SMAD1: variants seen among roughly 807,000 people sequenced by gnomAD.
SMAD1 encodes SMAD family member 1, also known as MAD, mothers against decapentaplegic homolog 1.
In SMAD1, 6 loss-of-function variants were observed where a neutral mutation model predicts 41.6. The ratio of observed to expected loss-of-function variants is 0.14; its 90% CI spans 0.08 to 0.28. The LOEUF is 0.28. Among genes scored for constraint, SMAD1 ranks in the 10% least tolerant of loss-of-function variants. The pLI, the probability that SMAD1 is intolerant of heterozygous loss-of-function variation, is 1.00. For synonymous variants in SMAD1, 206 were observed against 203.2 expected (o/e 1.01, Z -0.12); for missense variants, 379 against 582.6 (o/e 0.65, Z 3.60).
At chr4:145,523,832 G>T (rs1730887904) in intron 2 of SMAD1, among the ~76,000 whole-genome samples, 1 of 152,190 alleles carries the variant, frequency 6.6e-6, no homozygotes, top group Non-Finnish European at 1.5e-5. Flanking sequence ...GGCTTTTGCA[G>T]TTGCTCTTCC....
chr4:145,554,132 CT>C lies in SMAD1; in HGVS notation c.1254+94del. On this transcript the variant is annotated intron_variant, in intron 6 of 6. Coordinates refer to ENST00000302085, the MANE Select transcript of SMAD1 (RefSeq NM_005900.3). ...TTGGCGATATATGAATCTATATCCTCTTGATAACATATTATCATATTAGCTG... is the reference window on the plus strand; with the variant it reads ...TTGGCGATATATGAATCTATATCCTCTGATAACATATTATCATATTAGCTG... 4 of 1,139,510 alleles carry C rather than the reference CT, an allele frequency of 3.5e-6. No homozygotes were observed. In the South Asian group the frequency reaches 4.6e-5, roughly 13 times the overall value. 70.6% of individuals were successfully genotyped at this position (1,139,510 alleles called of 1,614,324 possible).
At chr4:145,505,192 A>G (rs1025767199) in intron 1 of SMAD1, among the ~76,000 whole-genome samples, 5 of 152,216 alleles carry the variant, frequency 3.3e-5, no homozygotes, top group Admixed American at 1.3e-4. Context: ...ATTACATTAC[A>G]AGTCCCCTGG....
Position 145,514,736 on chromosome 4 carries a change from G to T in SMAD1, c.123G>T (p.Leu41=). 3 of 1,614,074 alleles carry T rather than the reference G, an allele frequency of 1.9e-6. No individual in the cohort carries two copies. Among genetic ancestry groups the T allele is most frequent in the Non-Finnish European group, 2.5e-6 (3 of 1,180,004 alleles). The change falls in exon 2 of 7, where the codon CTG becomes CTT. Residue 41 remains leucine, a synonymous_variant. Coordinates refer to ENST00000302085, the MANE Select transcript of SMAD1 (RefSeq NM_005900.3). The surrounding 1 kb of genome is among the most constrained non-coding windows in gnomAD (Gnocchi z 4.7). ...EKAVDALVKK[L]KKKKGAMEEL... is the part of the protein sequence containing the mutation. ...CTGTTGATGCTTTGGTGAAAAAACT[G>T]AAGAAAAAGAAAGGTGCCATGGAGG... is the stretch of plus-strand genomic sequence containing the variant.
At chr4:145,498,686 T>C (rs1729237613) in intron 1 of SMAD1, among the ~76,000 whole-genome samples, 1 of 152,182 alleles carries the variant, frequency 6.6e-6, no homozygotes, top group Admixed American at 6.5e-5. Flanking sequence ...TTGTTTCTAT[T>C]TGTGTTTTTA....
At chr4:145,519,435 G>A (rs1217518634) in intron 2 of SMAD1, among the ~76,000 whole-genome samples, 1 of 150,818 alleles carries the variant, frequency 6.6e-6, no homozygotes, top group Non-Finnish European at 1.5e-5. Flanking sequence ...TCTTTTTGGT[G>A]AGTACATTTA....
chr4:145,515,862 A>C (rs1303010158), intron 2 of SMAD1, among the ~76,000 whole-genome samples: 1 of 152,144 alleles, frequency 6.6e-6, no homozygotes, highest in East Asian at 1.9e-4. Flanking sequence ...CCTCCCAGAA[A>C]TCCTGATCCT....
At chr4:145,535,046 G>A (rs1435673739) in intron 2 of SMAD1, among the ~76,000 whole-genome samples, 1 of 151,480 alleles carries the variant, frequency 6.6e-6, no homozygotes, top group Non-Finnish European at 1.5e-5. Flanking sequence ...TAGGCAAAAG[G>A]CATAAGCCAA....
At chr4:145,504,001 G>A (rs527504966) in intron 1 of SMAD1, 1 of 152,266 alleles carries the variant, frequency 6.6e-6, no homozygotes, top group Admixed American at 6.5e-5. Flanking sequence ...TCTTGTTTCT[G>A]TTCATCTTTC....
At chr4:145,556,974 G>A (rs1732872775) in intron 6 of SMAD1, among the ~76,000 whole-genome samples, 2 of 152,138 alleles carry the variant, frequency 1.3e-5, no homozygotes, top group Non-Finnish European at 2.9e-5. Context: ...CACCGCGCCT[G>A]GCCCCAGATG....
At chr4:145,511,382 C>T (rs1426697266) in intron 1 of SMAD1, among the ~76,000 whole-genome samples, 1 of 152,174 alleles carries the variant, frequency 6.6e-6, no homozygotes, top group Non-Finnish European at 1.5e-5. Context: ...AAGCAGTCCT[C>T]CTGCCTCTGC....
intron 1 of SMAD1, chr4:145,498,119 A>G (rs896799871): frequency 2.0e-5 from 3 of 152,260 alleles, no homozygotes; most frequent in Admixed American, 6.5e-5. Flanking sequence ...TTTGAATAAC[A>G]TAGAACATTT....
rs557604275 is a variant in SMAD1, at chr4:145,540,027, C to G, written c.624C>G (p.Thr208=). The part of the protein sequence containing the change: ...SSSSTYPHSP[T]SSDPGSPFQM... ...GCAGCACCTACCCTCACTCTCCCAC[C>G]AGCTCAGACCCAGGAAGCCCTTTCC... Residue 208 remains threonine, a synonymous_variant, in exon 3 of 7, where the codon ACC becomes ACG. Coordinates refer to ENST00000302085, the MANE Select transcript of SMAD1 (RefSeq NM_005900.3). 1 of 1,614,122 alleles carries G rather than the reference C, an allele frequency of 6.2e-7. No individual in the cohort carries two copies. The highest frequency in any genetic ancestry group is 1.3e-5 in the African/African-American group (1 of 75,048).
chr4:145,501,760 A>G (rs560426855), intron 1 of SMAD1, among the ~76,000 whole-genome samples: 1 of 149,916 alleles, frequency 6.7e-6, no homozygotes, highest in South Asian at 2.1e-4. Flanking sequence ...CTTCAGTATT[A>G]GTCAGTACTG....
rs1415173599 is a variant in SMAD1 at position 145,546,792 on chromosome 4, G to A, written c.865G>A (p.Ala289Thr). 6.2e-7 allele frequency: 1 copy of A among 1,614,028 alleles called. No individual in the cohort carries two copies. The highest frequency in any genetic ancestry group is 8.5e-7 in the Non-Finnish European group (1 of 1,179,940). ...CAATCGTGTGGGTGAAGCGTTCCAT[G>A]CCTCCTCCACAAGTGTGTTGGTGGA... Reference protein sequence around the residue: ...LNNRVGEAFHASSTSVLVDGF... With the variant: ...LNNRVGEAFHTSSTSVLVDGF... The change falls in exon 5 of 7, where the codon GCC becomes ACC. Residue 289 changes from alanine (A) to threonine (T), a missense_variant. Around this residue, in one of 3 missense-constraint regions of SMAD1, gnomAD observed 208 missense variants for 210.5 expected, o/e 0.99. Transcript: ENST00000302085.
At chr4:145,496,770 A>T (rs995258852) in intron 1 of SMAD1, among the ~76,000 whole-genome samples, 10 of 152,098 alleles carry the variant, frequency 6.6e-5, no homozygotes, top group African/African-American at 2.4e-4. Context: ...TTGAAATTTG[A>T]TGGAGACCAT....
chr4:145,520,537 G>T (rs1002622853), intron 2 of SMAD1, among the ~76,000 whole-genome samples: 1 of 152,238 alleles, frequency 6.6e-6, no homozygotes, highest in Non-Finnish European at 1.5e-5. Context: ...ATTCAGAAGA[G>T]ATGCTAATGA....
intron 5 of SMAD1, among the ~76,000 whole-genome samples, chr4:145,551,474 C>A (rs1275938235): frequency 6.6e-6 from 1 of 152,084 alleles, no homozygotes; most frequent in African/African-American, 2.4e-5. Context: ...TTGCAAACTT[C>A]TGTAGGTTAA....
chr4:145,480,873 G>A (rs908959904), upstream of SMAD1, among the ~76,000 whole-genome samples: 8 of 150,184 alleles, frequency 5.3e-5, no homozygotes, highest in Non-Finnish European at 1.2e-4. Flanking sequence ...AGGGAAAAAG[G>A]AATTTAATTA....
At chr4:145,516,119 A>G (rs1730371691) in intron 2 of SMAD1, among the ~76,000 whole-genome samples, 1 of 151,934 alleles carries the variant, frequency 6.6e-6, no homozygotes, top group African/African-American at 2.4e-5. Context: ...GTAAACTGGA[A>G]CCCCTGTTTT....
Sources: gnomAD v4.1 joint callset for allele counts (sites outside exome capture counted in the v4.1 genomes callset) on GRCh38, gnomAD v4.1.1 for gene constraint, gnomAD v4.1.1 regional missense constraint, Gnocchi (gnomAD v3.1) non-coding constraint, MANE v1.5 for transcripts, NCBI Gene and HGNC (gene_info 2026-07-23, HGNC 2026-07-21) for gene names.